Variants in SPOP observed in about 807,000 individuals in gnomAD.
The protein encoded by SPOP is speckle type BTB/POZ protein.
In SPOP, 11 loss-of-function variants were observed where a neutral mutation model predicts 45.6. The ratio of observed to expected loss-of-function variants is 0.24; its 90% CI spans 0.15 to 0.40. The LOEUF (loss-of-function observed/expected upper bound fraction) is 0.40, where lower values mean the gene tolerates loss of function less well. Among genes scored for constraint, SPOP ranks in the 10% least tolerant of loss-of-function variants. The probability of loss-of-function intolerance (pLI) is 1.00; values close to 1 mark genes in which losing one functional copy is unlikely to be tolerated. For synonymous variants in SPOP, 166 were observed against 166.3 expected (o/e 1.00, Z 0.01); for missense variants, 152 against 465.6 (o/e 0.33, Z 6.20).
At chr17:49,624,573 A>C (rs953333065) in intron 1 of SPOP, among the ~76,000 whole-genome samples, 2 of 152,064 alleles carry the variant, frequency 1.3e-5, no homozygotes, top group African/African-American at 4.8e-5. Flanking sequence ...GGCTCAAGCA[A>C]TCCTCCTACC....
chr17:49,640,754 T>C (rs1350854110), intron 1 of SPOP, among the ~76,000 whole-genome samples: 1 of 152,182 alleles, frequency 6.6e-6, no homozygotes, highest in African/African-American at 2.4e-5. Flanking sequence ...CTGGCCTCAT[T>C]TCCAACTACG....
intron 1 of SPOP, among the ~76,000 whole-genome samples, chr17:49,671,888 C>T (rs551464861): frequency 1.3e-5 from 2 of 152,220 alleles, no homozygotes; most frequent in Admixed American, 6.5e-5. Context: ...CGCCTGTAAT[C>T]GCAGCACTTT....
intron 1 of SPOP, among the ~76,000 whole-genome samples, chr17:49,641,124 G>A (rs545176143): frequency 4.0e-5 from 6 of 151,842 alleles, no homozygotes; most frequent in Non-Finnish European, 7.4e-5. Flanking sequence ...TCAGCTGGGC[G>A]TGGTGGCACA....
intron 1 of SPOP, among the ~76,000 whole-genome samples, chr17:49,667,283 T>C (rs1597984474): frequency 7.5e-6 from 1 of 132,566 alleles, no homozygotes. Context: ...AAAAGGGATA[T>C]CCAGAGCCTT....
intron 1 of SPOP, among the ~76,000 whole-genome samples, chr17:49,659,556 T>C (rs551218524): frequency 1.6e-4 from 24 of 152,334 alleles, no homozygotes; most frequent in African/African-American, 5.8e-4. Flanking sequence ...TGATTCAAAT[T>C]AGCACCAATT....
intron 1 of SPOP, among the ~76,000 whole-genome samples, chr17:49,665,649 GACACACACACAC>G (rs71352530): frequency 0.19 from 23,848 of 126,708 alleles, 2,158 homozygotes; most frequent in East Asian, 0.32. Context: ...TATATATACA[GACACACACACAC>G]ACACACACAC....
chr17:49,600,356 G>A lies in SPOP; in HGVS notation c.*22C>T. 6.2e-7 allele frequency: 1 copy of A among 1,613,326 alleles called. No individual in the cohort carries two copies. The highest frequency in any genetic ancestry group is 1.3e-5 in the African/African-American group (1 of 74,996). On this transcript the variant is annotated 3_prime_UTR_variant, in exon 10 of 10. Transcript: ENST00000504102. This position sits in a 1 kb window ranked among gnomAD's most constrained non-coding sequence, Gnocchi z 4.2. ...GGCTGCTGCTTCTGGAAATTAAACGGAGTCTTACAACAAGCAGGATCTTAG... is the reference window on the plus strand; with the variant it reads ...GGCTGCTGCTTCTGGAAATTAAACGAAGTCTTACAACAAGCAGGATCTTAG...
chr17:49,657,768 G>A (rs1301247809), intron 1 of SPOP, among the ~76,000 whole-genome samples: 2 of 137,818 alleles, frequency 1.5e-5, no homozygotes, highest in Non-Finnish European at 3.1e-5. Context: ...TGGCGTGATC[G>A]CGGCTCACTG....
At chr17:49,617,992 C>T (rs1052141289) in intron 5 of SPOP, among the ~76,000 whole-genome samples, 8 of 151,396 alleles carry the variant, frequency 5.3e-5, no homozygotes, top group African/African-American at 1.9e-4. Context: ...GCCTTTTCTG[C>T]AAAAGGGCAA....
At chr17:49,601,382 TC>T (rs1476995281) in intron 9 of SPOP, 1 of 152,474 alleles carries the variant, frequency 6.6e-6, no homozygotes, top group African/African-American at 2.4e-5. Flanking sequence ...AAGTAGTATT[TC>T]CAGGTCATTT....
At position 49,622,855 on chromosome 17, in the gene SPOP, A is replaced by G. The variant is rs1004573148; in HGVS notation, c.-45T>C. On this transcript the variant is annotated 5_prime_UTR_variant, in exon 2 of 10. Transcript: ENST00000504102. ...CGAGATTTCCAAAGTCAGGGGGCAA[A>G]GATTTCTGTTCCCTCTTCACCCTGG... is the stretch of plus-strand genomic sequence containing the variant. 1 of 1,512,170 alleles carries G rather than the reference A, an allele frequency of 6.6e-7. No individual in the cohort carries two copies. Among genetic ancestry groups the G allele is most frequent in the Non-Finnish European group, 9.2e-7 (1 of 1,087,144 alleles). The allele number at this position is 1,512,170 out of a possible 1,614,324, so 93.7% of individuals were successfully genotyped here.
At chr17:49,631,222 TA>T in intron 1 of SPOP, among the ~76,000 whole-genome samples, 1 of 152,332 alleles carries the variant, frequency 6.6e-6, no homozygotes, top group Admixed American at 6.5e-5. Context: ...GGAAATAACC[TA>T]AAAGTTCATC....
At chr17:49,623,868 T>C (rs1351322541) in intron 1 of SPOP, among the ~76,000 whole-genome samples, 1 of 152,128 alleles carries the variant, frequency 6.6e-6, no homozygotes, top group Non-Finnish European at 1.5e-5. Context: ...TCAATCTACA[T>C]TCTCTGTGTC....
chr17:49,675,712 A>G (rs1217301903), intron 1 of SPOP, among the ~76,000 whole-genome samples: 1 of 152,224 alleles, frequency 6.6e-6, no homozygotes, highest in Non-Finnish European at 1.5e-5. Context: ...GAATTCAACT[A>G]GACAAAATGT....
chr17:49,647,811 T>G (rs2072784809), intron 1 of SPOP, among the ~76,000 whole-genome samples: 2 of 152,148 alleles, frequency 1.3e-5, no homozygotes, highest in Non-Finnish European at 2.9e-5. Context: ...TAGAATGACT[T>G]TTCATGCCTT....
At chr17:49,660,325 A>G (rs1429132519) in intron 1 of SPOP, among the ~76,000 whole-genome samples, 2 of 152,184 alleles carry the variant, frequency 1.3e-5, no homozygotes, top group African/African-American at 2.4e-5. Flanking sequence ...CATCTTCTAC[A>G]GATATTTACT....
At chr17:49,622,293 A>G (rs1274114379) in intron 2 of SPOP, 1 of 623,300 alleles carries the variant, frequency 1.6e-6, no homozygotes, top group East Asian at 3.3e-5. Context: ...ACTGGATGGA[A>G]AGTGAGAGAA....
At chr17:49,656,279 C>A (rs572841836) in intron 1 of SPOP, among the ~76,000 whole-genome samples, 169 of 152,290 alleles carry the variant, frequency 1.1e-3, no homozygotes, top group African/African-American at 3.6e-3. Context: ...TTGGGAAGAT[C>A]ATTATTTAAA....
chr17:49,618,184 C>T (rs542488716), intron 5 of SPOP, among the ~76,000 whole-genome samples: 1 of 152,268 alleles, frequency 6.6e-6, no homozygotes, highest in Admixed American at 6.5e-5. Flanking sequence ...GAAGTGGTTC[C>T]TCAACCTATG....
Sources: allele counts gnomAD v4.1 joint callset (sites outside exome capture counted in the v4.1 genomes callset), GRCh38; gene constraint gnomAD v4.1.1; non-coding constraint Gnocchi (gnomAD v3.1); transcripts MANE v1.5; gene names NCBI Gene and HGNC (gene_info 2026-07-23, HGNC 2026-07-21).